Variants in RNF213 observed in about 807,000 individuals in gnomAD.
RNF213 encodes E3 ubiquitin-protein ligase RNF213.
Under a neutral mutation model 514.4 loss-of-function variants are expected in RNF213, and 341 were observed. The observed-to-expected ratio is 0.66, with a 90% CI of 0.61 to 0.73. The LOEUF is 0.73. RNF213 is among the 30% of genes least tolerant of loss of function. The probability of loss-of-function intolerance (pLI) is 0.00; values close to 1 mark genes in which losing one functional copy is unlikely to be tolerated. For missense variants in RNF213, 5,767 were observed against 6,615.6 expected, an observed-to-expected ratio of 0.87 and a Z score of 4.45; for synonymous variants, 2,655 against 2,658.2, an observed-to-expected ratio of 1.00 and a Z score of 0.04.
At chr17:80,318,200 A>G (rs2046011960) in intron 16 of RNF213, among the ~76,000 whole-genome samples, 1 of 152,114 alleles carries the variant, frequency 6.6e-6, no homozygotes, top group African/African-American at 2.4e-5. Context: ...GGTGGGCCCT[A>G]GGTAGTTTTG....
chr17:80,313,869 A>T (rs60077702), intron 15 of RNF213, among the ~76,000 whole-genome samples: 9 of 16,948 alleles, frequency 5.3e-4, no homozygotes, highest in African/African-American at 2.0e-3. Flanking sequence ...GGTGGTGGTG[A>T]AGGTGATGGT....
At chr17:80,386,194 G>C in intron 61 of RNF213, 56 bp from the exon 62 acceptor site, 4 of 1,555,576 alleles carry the variant, frequency 2.6e-6, no homozygotes, top group South Asian at 1.1e-5. Context: ...CCCACGCCTA[G>C]ATTCTGTGAG....
Position 80,310,227 on chromosome 17 carries a change from A to G in RNF213, c.2655+1056A>G, listed in dbSNP as rs2045521003. 2.0e-5 allele frequency among the ~76,000 whole-genome samples: 3 copies of G among 152,166 alleles called. No individual in the cohort carries two copies. In the South Asian group the frequency reaches 6.2e-4, roughly 32 times the overall value. ...GTTCATGAGTTTCAGTTTGAAAGTGATGTAAGGTTTAATGTTTAGACTGAT... is the reference window on the plus strand; with the variant it reads ...GTTCATGAGTTTCAGTTTGAAAGTGGTGTAAGGTTTAATGTTTAGACTGAT... On this transcript the variant is annotated intron_variant, in intron 14 of 67. Transcript: ENST00000582970.
rs2080592628 is a variant in RNF213, at chr17:80,394,203, A to T, written c.*705A>T. On this transcript the variant is annotated 3_prime_UTR_variant, in exon 68 of 68. Coordinates refer to ENST00000582970, the MANE Select transcript of RNF213 (RefSeq NM_001256071.3). ...CTTGGTTTTCTCACGCATAAAATGGAGAGTGGATTAATCGCCAAAGATTCT... is the reference window on the plus strand; with the variant it reads ...CTTGGTTTTCTCACGCATAAAATGGTGAGTGGATTAATCGCCAAAGATTCT... 1 of 152,260 alleles carries T rather than the reference A, an allele frequency of 6.6e-6. No individual in the cohort carries two copies. The highest frequency in any genetic ancestry group is 6.5e-5 in the Admixed American group (1 of 15,286). The allele number at this position is 152,260 out of a possible 1,614,324, so 9.4% of individuals were successfully genotyped here. A position where few individuals can be genotyped will look rare whatever the true frequency, so the allele number is the denominator to read the frequency against.
At chr17:80,289,143 A>G (rs1458447559) in intron 5 of RNF213, among the ~76,000 whole-genome samples, 1 of 152,168 alleles carries the variant, frequency 6.6e-6, no homozygotes, top group African/African-American at 2.4e-5. Context: ...CAGTGCCCCC[A>G]GGAGGAGTTG....
chr17:80,321,960 A>G (rs2046151899), intron 17 of RNF213, among the ~76,000 whole-genome samples: 1 of 151,978 alleles, frequency 6.6e-6, no homozygotes, highest in Non-Finnish European at 1.5e-5. Context: ...TCTTGACCTC[A>G]TGATCCACAT....
chr17:80,264,972 C>G lies in RNF213; in HGVS notation c.97+1194C>G, dbSNP rs931972887. ...TCCTTCCCCTCTTTCAGTCTTTGCC[C>G]AGCTGCTCGCCATGGGGTCTCTCCG... On this transcript the variant is annotated intron_variant, in intron 2 of 67. Coordinates refer to ENST00000582970, the MANE Select transcript of RNF213 (RefSeq NM_001256071.3). The surrounding 1 kb of genome is among the most constrained non-coding windows in gnomAD (Gnocchi z 5.0). Among the ~76,000 whole-genome samples the G allele has an allele frequency of 6.6e-6, 1 of 152,108 alleles. No homozygotes were observed. Among genetic ancestry groups the G allele is most frequent in the Non-Finnish European group, 1.5e-5 (1 of 68,032 alleles).
intron 32 of RNF213, chr17:80,352,118 G>T: frequency 3.6e-6 from 1 of 281,222 alleles, no homozygotes; most frequent in Non-Finnish European, 6.9e-6. Context: ...CTCCCAAAGT[G>T]CTGGGATTAC....
intron 42 of RNF213, among the ~76,000 whole-genome samples, chr17:80,367,070 A>T (rs1053968556): frequency 6.6e-6 from 1 of 152,244 alleles, no homozygotes; most frequent in Admixed American, 6.5e-5. Flanking sequence ...ACCAGCAGAC[A>T]GGTAACTGGT....
chr17:80,323,266 C>A (rs924662173), intron 17 of RNF213, among the ~76,000 whole-genome samples: 27 of 152,286 alleles, frequency 1.8e-4, no homozygotes, highest in African/African-American at 6.5e-4. Flanking sequence ...TGTGTCAGTA[C>A]CACACTGTTT....
At chr17:80,362,830 G>C (rs2079105144) in intron 39 of RNF213, among the ~76,000 whole-genome samples, 1 of 152,190 alleles carries the variant, frequency 6.6e-6, no homozygotes, top group Non-Finnish European at 1.5e-5. Context: ...ATGGGTTATT[G>C]AGCAGCCATT....
At chr17:80,285,892 T>C (rs1274886689) in intron 3 of RNF213, among the ~76,000 whole-genome samples, 4 of 152,152 alleles carry the variant, frequency 2.6e-5, no homozygotes, top group Non-Finnish European at 5.9e-5. Flanking sequence ...GCCAGGCTGG[T>C]GGCGAACTCC....
In RNF213 at chr17:80,347,906, C is replaced by CT. The variant is rs1370890342; in HGVS notation, c.9572dup (p.Cys3192LeufsTer25). 5.6e-6 allele frequency: 9 copies of CT among 1,614,076 alleles called. No homozygotes were observed. The highest frequency in any genetic ancestry group is 7.6e-6 in the Non-Finnish European group (9 of 1,180,034). On this transcript the variant is annotated frameshift_variant, in exon 29 of 68. Transcript: ENST00000582970. LOFTEE classifies it high-confidence loss of function. This position sits in a 1 kb window ranked among gnomAD's most constrained non-coding sequence, Gnocchi z 7.2. ...ATGGCAGAAGAGCATCGTGGAGGAG[C>CT]TCTGTGCGTGGGTGGAGAAGTTCAT... is the stretch of plus-strand genomic sequence containing the variant.
intron 63 of RNF213, among the ~76,000 whole-genome samples, chr17:80,387,295 T>TG (rs59498373): frequency 0.053 from 8,094 of 152,236 alleles, 700 homozygotes; most frequent in African/African-American, 0.19. Context: ...TTGGTAGAGA[T>TG]GGGGCTTCAC....
At chr17:80,290,442 T>TGTGTGTGTGCGAGTGC in intron 6 of RNF213, 128 bp from the exon 7 acceptor site, 1 of 1,118,772 alleles carries the variant, frequency 8.9e-7, no homozygotes. Context: ...CGTGTGTGCA[T>TGTGTGTGTGCGAGTGC]GTGTGTGTGC....
intron 3 of RNF213, among the ~76,000 whole-genome samples, chr17:80,276,989 G>C (rs1256897302): frequency 6.6e-6 from 1 of 151,952 alleles, no homozygotes; most frequent in Non-Finnish European, 1.5e-5. Context: ...CCCGGGAGGG[G>C]GAGGTTTCAG....
chr17:80,296,860 A>G (rs908328628), intron 10 of RNF213, among the ~76,000 whole-genome samples: 1 of 151,686 alleles, frequency 6.6e-6, no homozygotes, highest in Admixed American at 6.6e-5. Flanking sequence ...TTTTGTATTT[A>G]TTGTAGAGAC....
At chr17:80,358,571 C>A in intron 37 of RNF213, 92 bp downstream of exon 37, 1 of 1,208,320 alleles carries the variant, frequency 8.3e-7, no homozygotes, top group Non-Finnish European at 1.2e-6. Context: ...TGAAACGCAG[C>A]CCTCAACTTC....
rs146486225 is a variant in RNF213 at position 80,346,446 on chromosome 17, G to A, written c.8111G>A (p.Arg2704Gln). The change falls in exon 29 of 68, where the codon CGG becomes CAG. Residue 2704 changes from arginine to glutamine, a missense_variant. This residue lies in a region of RNF213 where 1,377 missense variants were observed against 1,635.2 expected (regional missense o/e 0.84). Transcript: ENST00000582970. The surrounding 1 kb of genome is among the most constrained non-coding windows in gnomAD (Gnocchi z 8.1). The stretch of plus-strand genomic sequence containing the variant: ...TCTTTAGAAAAGAAAGACTCATATC[G>A]GAAAGCCATCGCCAGGTTCTTTCCG... ...HASLEKKDSY[R>Q]KAIARFFPKP... 13 of 1,613,616 alleles carry A rather than the reference G, an allele frequency of 8.1e-6. No homozygotes were observed. The East Asian group carries it at 1.8e-4, about 22-fold the overall frequency.
Sources: gnomAD v4.1 joint callset for allele counts (sites outside exome capture counted in the v4.1 genomes callset) on GRCh38, gnomAD v4.1.1 for gene constraint, gnomAD v4.1.1 regional missense constraint, Gnocchi (gnomAD v3.1) non-coding constraint, MANE v1.5 for transcripts, NCBI Gene and HGNC (gene_info 2026-07-23, HGNC 2026-07-21) for gene names.